DMD: variants seen among roughly 807,000 people sequenced by gnomAD.
DMD encodes the protein dystrophin, also known as mutant dystrophin.
DMD carries 63 observed loss-of-function variants against 330.1 expected under a neutral mutation model. The observed-to-expected ratio is 0.19, with a 90% confidence interval of 0.16 to 0.24. The LOEUF is 0.24. Ranked by LOEUF, DMD falls within the 10% of genes least tolerant of loss-of-function variation. DMD has a pLI of 1.00. For synonymous variants in DMD, 1,223 were observed against 959.8 expected (o/e 1.27, Z -5.07); for missense variants, 3,344 against 2,684.1 (o/e 1.25, Z -5.43).
In DMD at chrX:32,380,693, A is replaced by G. The variant is rs1204586925; in HGVS notation, c.4675-13T>C. 1.7e-6 allele frequency: 2 copies of G among 1,196,199 alleles called. No homozygotes were observed. Among genetic ancestry groups the G allele is most frequent in the Middle Eastern group, 2.3e-4 (1 of 4,323 alleles). ...TTCTTTCTGTTACCTGAAAAGAATT[A>G]TAATGAAATGTAATTTAGTTTACTC... On this transcript the variant is annotated splice_polypyrimidine_tract_variant and intron_variant, in intron 33 of 78. Transcript: ENST00000357033.
At chrX:33,153,961 T>A (rs1262102120) in intron 1 of DMD, among the ~76,000 whole-genome samples, 1 of 112,692 alleles carries the variant, frequency 8.9e-6, no homozygotes, top group Non-Finnish European at 1.9e-5. Context: ...TTCTGGCTAG[T>A]TTATTTCTAA....
intron 52 of DMD, among the ~76,000 whole-genome samples, chrX:31,684,572 A>T (rs1291538546): frequency 8.9e-6 from 1 of 111,997 alleles, no homozygotes; most frequent in Non-Finnish European, 1.9e-5. Context: ...GTCAATCAGA[A>T]CCAATGAAAC....
At chrX:32,404,042 T>A (rs2098102962) in intron 30 of DMD, among the ~76,000 whole-genome samples, 1 of 112,170 alleles carries the variant, frequency 8.9e-6, no homozygotes, top group Non-Finnish European at 1.9e-5. Flanking sequence ...GACCAAAATC[T>A]GCAGTTATAT....
intron 1 of DMD, among the ~76,000 whole-genome samples, chrX:33,135,354 T>G (rs2095520680): frequency 8.9e-6 from 1 of 112,333 alleles, no homozygotes; most frequent in African/African-American, 3.2e-5. Flanking sequence ...CACGTGTTAT[T>G]TAAACAAATA....
intron 55 of DMD, among the ~76,000 whole-genome samples, chrX:31,590,235 G>A (rs1473341643): frequency 9.0e-6 from 1 of 110,592 alleles, no homozygotes; most frequent in Admixed American, 9.7e-5. Context: ...ATGAACAATC[G>A]AGTTTATTTT....
chrX:32,015,867 C>G (rs2095756285), intron 44 of DMD, among the ~76,000 whole-genome samples: 1 of 111,796 alleles, frequency 8.9e-6, no homozygotes, highest in Non-Finnish European at 1.9e-5. Flanking sequence ...TTTTATTTAA[C>G]TAATGACTGT....
In DMD at chrX:32,823,418, G is replaced by T. The variant is rs368898160; in HGVS notation, c.265-31C>A. Reference sequence around the variant, plus strand: ...AAAGAAAGGGGTAAAACATTTGAAGGTAAGAGACCAAATGCCTAGTTGCAA... The same window carrying T: ...AAAGAAAGGGGTAAAACATTTGAAGTTAAGAGACCAAATGCCTAGTTGCAA... On this transcript the variant is annotated intron_variant, in intron 4 of 78. Coordinates refer to ENST00000357033, the MANE Select transcript of DMD (RefSeq NM_004006.3). 4 of 999,817 alleles carry T rather than the reference G, an allele frequency of 4.0e-6. No homozygotes were observed. In the African/African-American group the frequency reaches 7.5e-5, roughly 19 times the overall value. The allele number at this position is 999,817 out of a possible 1,213,427, so 82.4% of individuals were successfully genotyped here.
At chrX:31,874,265 A>C (rs191383974) in intron 48 of DMD, among the ~76,000 whole-genome samples, 45 of 111,579 alleles carry the variant, frequency 4.0e-4, no homozygotes, top group Non-Finnish European at 7.2e-4. Context: ...ATGACATGAA[A>C]TTACATGGAT....
chrX:33,275,965 T>C (rs2053228396), intron 1 of DMD, among the ~76,000 whole-genome samples: 1 of 111,972 alleles, frequency 8.9e-6, no homozygotes, highest in Admixed American at 9.5e-5. Context: ...GGTGTGACTA[T>C]ACAATTGTAT....
intron 53 of DMD, among the ~76,000 whole-genome samples, chrX:31,669,305 T>C (rs765035917): frequency 2.3e-4 from 26 of 112,176 alleles, no homozygotes; most frequent in Non-Finnish European, 4.3e-4. Flanking sequence ...ACAGCCATTC[T>C]AACAGGTGTA....
intron 60 of DMD, among the ~76,000 whole-genome samples, chrX:31,430,181 G>A (rs1323798351): frequency 1.8e-5 from 2 of 111,505 alleles, no homozygotes. Flanking sequence ...CCTTGGGTTG[G>A]GGCTTCCCTT....
chrX:31,360,749 G>T (rs911183385), intron 60 of DMD, among the ~76,000 whole-genome samples: 1 of 111,906 alleles, frequency 8.9e-6, no homozygotes, highest in Non-Finnish European at 1.9e-5. Context: ...GTTGAACAAA[G>T]ACTGGAGGAA....
At chrX:33,237,498 G>C (rs929168553) in intron 1 of DMD, among the ~76,000 whole-genome samples, 5 of 110,763 alleles carry the variant, frequency 4.5e-5, no homozygotes, top group African/African-American at 1.6e-4. Flanking sequence ...ACTCACCTTG[G>C]CTTCCCAAAA....
At chrX:32,879,226 C>A (rs2149191739) in intron 2 of DMD, among the ~76,000 whole-genome samples, 1 of 111,144 alleles carries the variant, frequency 9.0e-6, no homozygotes, top group Non-Finnish European at 1.9e-5. Context: ...GAAGGGCATT[C>A]AGGTAGAGAT....
intron 60 of DMD, among the ~76,000 whole-genome samples, chrX:31,366,513 A>C (rs1413332622): frequency 9.8e-6 from 1 of 101,843 alleles, no homozygotes; most frequent in Non-Finnish European, 2.0e-5. Context: ...AAAAAAAATA[A>C]ATAAATAAAA....
rs776489963 is a variant in DMD at position 31,348,674 on chromosome X, T to C, written c.9085-40A>G. On this transcript the variant is annotated intron_variant, in intron 60 of 78. Coordinates refer to ENST00000357033, the MANE Select transcript of DMD (RefSeq NM_004006.3). ...AGAGAAATGATGTTCTCTCATTCTA[T>C]ATAATGAGGAACAATTAAAACAATG... 1.0e-5 allele frequency: 11 copies of C among 1,087,855 alleles called. No individual in the cohort carries two copies. The East Asian group carries it at 3.1e-4, about 30-fold the overall frequency. The allele number at this position is 1,087,855 out of a possible 1,213,427, so 89.7% of individuals were successfully genotyped here.
intron 69 of DMD, among the ~76,000 whole-genome samples, chrX:31,179,610 A>T (rs147786673): frequency 3.9e-4 from 44 of 112,153 alleles, no homozygotes; most frequent in Admixed American, 9.4e-4. Context: ...TTTATTTTAG[A>T]AAAAACAAAC....
intron 48 of DMD, among the ~76,000 whole-genome samples, chrX:31,867,092 A>ATATG (rs2093812155): frequency 4.5e-5 from 1 of 22,085 alleles, no homozygotes; most frequent in African/African-American, 2.9e-4. Context: ...ACATATTTTG[A>ATATG]TATATATATA....
chrX:31,851,767 G>T (rs2093530723), intron 48 of DMD, among the ~76,000 whole-genome samples: 1 of 111,955 alleles, frequency 8.9e-6, no homozygotes, highest in Non-Finnish European at 1.9e-5. Flanking sequence ...AAGTGCTAAA[G>T]AACAAAATGT....
Sources: allele counts gnomAD v4.1 joint callset (sites outside exome capture counted in the v4.1 genomes callset), GRCh38; gene constraint gnomAD v4.1.1; transcripts MANE v1.5; gene names NCBI Gene and HGNC (gene_info 2026-07-23, HGNC 2026-07-21).